Variants in BCLAF3 observed in about 807,000 individuals in gnomAD.
BCLAF3 encodes transient octamer binding factor 1.
A neutral mutation model predicts 51.2 loss-of-function variants in BCLAF3; 24 were observed. The observed-to-expected ratio is 0.47, with a 90% CI of 0.34 to 0.66. The LOEUF (loss-of-function observed/expected upper bound fraction) is 0.66. Among genes scored for constraint, BCLAF3 ranks in the 30% least tolerant of loss-of-function variants. The pLI, the probability that BCLAF3 is intolerant of heterozygous loss-of-function variation, is 0.01. For synonymous variants in BCLAF3, 152 were observed against 176.6 expected, an observed-to-expected ratio of 0.86 and a Z score of 1.10; for missense variants, 465 against 525.1, an observed-to-expected ratio of 0.89 and a Z score of 1.12.
chrX:19,946,698 T>A (rs962598005), intron 8 of BCLAF3, among the ~76,000 whole-genome samples: 41 of 111,730 alleles, frequency 3.7e-4, no homozygotes, highest in Admixed American at 9.5e-4. Flanking sequence ...ATCTACTCTC[T>A]CCCTTTACCA....
At chrX:19,988,125 C>T (rs1268774326) in intron 1 of BCLAF3, among the ~76,000 whole-genome samples, 1 of 111,901 alleles carries the variant, frequency 8.9e-6, no homozygotes, top group Non-Finnish European at 1.9e-5. Flanking sequence ...GCTTTTATGC[C>T]CTCTGCTGCC....
chrX:19,988,577 G>T (rs929498095), intron 1 of BCLAF3, among the ~76,000 whole-genome samples: 2 of 111,610 alleles, frequency 1.8e-5, no homozygotes, highest in Non-Finnish European at 3.8e-5. Context: ...TTTGAGACCA[G>T]CCTAGGCAAC....
rs192615982 is a variant in BCLAF3 at position 19,945,435 on chromosome X, T to C, written c.1745+5318A>G. On this transcript the variant is annotated intron_variant, in intron 8 of 11. Coordinates refer to ENST00000379682, the MANE Select transcript of BCLAF3 (RefSeq NM_001367774.2). The stretch of plus-strand genomic sequence containing the variant: ...TACTTTTGGTCTTTGATGATGGTGA[T>C]GTACAGGTGGGTTTTCGGTGTGGAT... 7.0e-3 allele frequency among the ~76,000 whole-genome samples: 751 copies of C among 106,920 alleles called. 5 individuals are homozygous for C. The highest frequency in any genetic ancestry group is 0.014 in the Middle Eastern group (3 of 213). 92.8% of individuals were successfully genotyped at this position (106,920 alleles called of 115,157 possible).
chrX:19,979,592 C>A (rs1332493008), intron 1 of BCLAF3, among the ~76,000 whole-genome samples: 2 of 110,693 alleles, frequency 1.8e-5, no homozygotes, highest in Non-Finnish European at 3.8e-5. Context: ...CCCGCAATAT[C>A]TCTGAGGTAT....
At chrX:19,918,496 C>T (rs1057228651) in intron 11 of BCLAF3, among the ~76,000 whole-genome samples, 1 of 105,851 alleles carries the variant, frequency 9.4e-6, no homozygotes, top group Non-Finnish European at 1.9e-5. Flanking sequence ...CTTGATCCCT[C>T]CACCCTTCCA....
intron 1 of BCLAF3, among the ~76,000 whole-genome samples, chrX:19,982,947 C>CT (rs200480784): frequency 9.4e-5 from 9 of 95,305 alleles, no homozygotes; most frequent in South Asian, 4.7e-4. Context: ...AAAGTGATTC[C>CT]TTTTTTTTTT....
At position 19,917,410 on chromosome X, in the gene BCLAF3, A is replaced by G. The variant is rs779859052; in HGVS notation, c.2107-76T>C. ...TCTGAGCTAGTTTTGTTTACACTGC[A>G]ATTTTCAAAGTATTTTCGTTTATAC... is the stretch of plus-strand genomic sequence containing the variant. On this transcript the variant is annotated intron_variant, in intron 11 of 11. Coordinates refer to ENST00000379682, the MANE Select transcript of BCLAF3 (RefSeq NM_001367774.2). 16 of 888,764 alleles carry G rather than the reference A, an allele frequency of 1.8e-5. No individual in the cohort carries two copies. In the African/African-American group the frequency reaches 3.2e-4, roughly 18 times the overall value. The allele number at this position is 888,764 out of a possible 1,213,427, so 73.2% of individuals were successfully genotyped here.
intron 8 of BCLAF3, among the ~76,000 whole-genome samples, chrX:19,940,287 T>A (rs941178365): frequency 1.0e-4 from 11 of 108,355 alleles, no homozygotes; most frequent in Admixed American, 3.9e-4. Context: ...TTTTTTTTTT[T>A]TTATTATACT....
intron 8 of BCLAF3, among the ~76,000 whole-genome samples, chrX:19,942,048 T>C (rs2071073909): frequency 2.6e-5 from 2 of 76,729 alleles, no homozygotes; most frequent in Admixed American, 3.0e-4. Context: ...TGAATGGGAG[T>C]TCACTCATGA....
chrX:19,922,211 T>C (rs889324733), intron 11 of BCLAF3, among the ~76,000 whole-genome samples: 7 of 110,555 alleles, frequency 6.3e-5, no homozygotes. Flanking sequence ...TGATAGAACA[T>C]TCAAAATACT....
chrX:19,989,379 C>T (rs769023492), intron 1 of BCLAF3, among the ~76,000 whole-genome samples: 62 of 111,130 alleles, frequency 5.6e-4, no homozygotes, highest in African/African-American at 2.0e-3. Flanking sequence ...GCCTGTAGTC[C>T]CAGCTACTCG....
intron 7 of BCLAF3, among the ~76,000 whole-genome samples, chrX:19,952,502 T>C (rs1482031993): frequency 9.0e-6 from 1 of 110,704 alleles, no homozygotes; most frequent in Non-Finnish European, 1.9e-5. Flanking sequence ...AATAAAGAAA[T>C]TTAGTCCCTT....
intron 8 of BCLAF3, among the ~76,000 whole-genome samples, chrX:19,939,068 T>C (rs2070890499): frequency 8.9e-6 from 1 of 112,024 alleles, no homozygotes; most frequent in African/African-American, 3.2e-5. Context: ...GTTTTTTAAA[T>C]GTTAAAAAGG....
In BCLAF3 at chrX:19,969,850, T is replaced by C. The variant is rs1006983682; in HGVS notation, c.41+374A>G. ...TATTCAAAACTCTATTATTCTGCCA[T>C]GAAGAAGAAAGAGGAAACTCCCTAT... On this transcript the variant is annotated intron_variant, in intron 2 of 11. Transcript: ENST00000379682. 1.2e-4 allele frequency among the ~76,000 whole-genome samples: 13 copies of C among 112,233 alleles called. 1 individual carries two copies. The highest frequency in any genetic ancestry group is 4.2e-4 in the African/African-American group (13 of 30,917).
At chrX:19,967,321 C>T (rs776514571) in intron 2 of BCLAF3, among the ~76,000 whole-genome samples, 1 of 111,895 alleles carries the variant, frequency 8.9e-6, no homozygotes, top group African/African-American at 3.2e-5. Context: ...CCAGAAATAC[C>T]TCTAACATAG....
intron 1 of BCLAF3, among the ~76,000 whole-genome samples, chrX:19,982,974 T>C (rs2072668431): frequency 2.0e-5 from 2 of 101,661 alleles, no homozygotes; most frequent in South Asian, 9.5e-4. Flanking sequence ...TTTTTTTTTT[T>C]TTGAGACGGA....
rs2071624401 is a variant in BCLAF3, at chrX:19,955,286, T to C, written c.1450+105A>G. The C allele has an allele frequency of 7.4e-6, 4 of 543,086 alleles. No individual in the cohort carries two copies. In the South Asian group the frequency reaches 2.4e-4, roughly 32 times the overall value. 44.8% of individuals were successfully genotyped at this position (543,086 alleles called of 1,213,427 possible). On this transcript the variant is annotated intron_variant, in intron 5 of 11. Coordinates refer to ENST00000379682, the MANE Select transcript of BCLAF3 (RefSeq NM_001367774.2). ...TCCTAATTCACAGTCTAGCTTACAA[T>C]GAAATATTAATTACTATTAAACTAT...
intron 8 of BCLAF3, among the ~76,000 whole-genome samples, chrX:19,948,977 G>T (rs1419168910): frequency 9.0e-6 from 1 of 110,532 alleles, no homozygotes; most frequent in Non-Finnish European, 1.9e-5. Flanking sequence ...GCATAAGTTT[G>T]TTAATATACT....
chrX:19,973,534 C>A (rs144537464), intron 1 of BCLAF3, among the ~76,000 whole-genome samples: 27 of 111,019 alleles, frequency 2.4e-4, no homozygotes, highest in African/African-American at 8.6e-4. Context: ...CCTACTAGTC[C>A]CCTACACCAC....
Sources: gnomAD v4.1 joint callset for allele counts (sites outside exome capture counted in the v4.1 genomes callset) on GRCh38, gnomAD v4.1.1 for gene constraint, MANE v1.5 for transcripts, NCBI Gene and HGNC (gene_info 2026-07-23, HGNC 2026-07-21) for gene names.